The following GUCY1A1 variants were observed in gnomAD, a reference collection of about 807,000 sequenced individuals.
GUCY1A1 encodes the protein guanylate cyclase 1 soluble subunit alpha 1, also known as guanylate cyclase soluble subunit alpha-1.
Under a neutral mutation model 64.5 loss-of-function variants are expected in GUCY1A1, and 48 were observed. The ratio of observed to expected loss-of-function variants is 0.74; its 90% CI spans 0.59 to 0.95. The LOEUF is 0.95. Among genes scored for constraint, GUCY1A1 ranks in the 40% least tolerant of loss-of-function variants. The pLI is 0.00. For missense variants in GUCY1A1, 804 were observed against 825.3 expected (o/e 0.97, Z 0.32); for synonymous variants, 308 against 303.4 (o/e 1.02, Z -0.16).
intron 7 of GUCY1A1, among the ~76,000 whole-genome samples, chr4:155,715,619 G>A (rs963779583): frequency 9.9e-5 from 15 of 152,274 alleles, no homozygotes; most frequent in Middle Eastern, 3.4e-3. Context: ...AGCAGATATG[G>A]TAGGCCCCTA....
chr4:155,710,793 A>C lies in GUCY1A1; in HGVS notation c.628A>C (p.Thr210Pro). Residue 210 changes from threonine (T) to proline (P), a missense_variant, in exon 6 of 10, where the codon ACC becomes CCC. Transcript: ENST00000506455. ...LHVYYFFPKR[T>P]TSLILPGIIK... is the part of the protein sequence containing the mutation. ...TGTTTACTACTTCTTCCCTAAGAGAACCACCTCCCTGATTCTTCCCGGCAT... is the reference window on the plus strand; with the variant it reads ...TGTTTACTACTTCTTCCCTAAGAGACCCACCTCCCTGATTCTTCCCGGCAT... 1 of 1,614,054 alleles carries C rather than the reference A, an allele frequency of 6.2e-7. No homozygotes were observed. The highest frequency in any genetic ancestry group is 1.1e-5 in the South Asian group (1 of 91,072).
At position 155,710,755 on chromosome 4, in the gene GUCY1A1, A is replaced by ATCC. The variant is rs1233718907; in HGVS notation, c.591_592insCCT (p.Asp197_Asp198insPro). 1 of 1,614,028 alleles carries ATCC rather than the reference A, an allele frequency of 6.2e-7. No homozygotes were observed. The highest frequency in any genetic ancestry group is 8.5e-7 in the Non-Finnish European group (1 of 1,179,936). ...TCCATTCTATGCCTGGATAAGGAGG[A>ATCC]TGATTTTCTACATGTTTACTACTTC... On this transcript the variant is annotated inframe_insertion, in exon 6 of 10. Transcript: ENST00000506455.
At chr4:155,671,316 C>A (rs1734116071) in intron 2 of GUCY1A1, among the ~76,000 whole-genome samples, 1 of 152,170 alleles carries the variant, frequency 6.6e-6, no homozygotes, top group African/African-American at 2.4e-5. Context: ...CTACCAGAAC[C>A]TGCCTTCCCA....
chr4:155,716,991 G>A (rs1001221176), intron 7 of GUCY1A1, among the ~76,000 whole-genome samples, 168 bp from the exon 8 acceptor site: 5 of 152,050 alleles, frequency 3.3e-5, no homozygotes, highest in Admixed American at 1.3e-4. Context: ...TAAACCTTGC[G>A]CATTTCCTGA....
rs770142136 is a variant in GUCY1A1 at position 155,708,242 on chromosome 4, T to G, written c.324T>G (p.Ser108=). The change falls in exon 5 of 10, where the codon TCT becomes TCG. Residue 108 remains serine, a synonymous_variant. Transcript: ENST00000506455. ...AATATTGAAATATTTCCAGGAAATC[T>G]TTGGAAAGAGAAGACTTTGAAAAAA... ...AKHKIKESRK[S]LEREDFEKTI... 1 of 1,471,944 alleles carries G rather than the reference T, an allele frequency of 6.8e-7. No individual in the cohort carries two copies. Among genetic ancestry groups the G allele is most frequent in the Non-Finnish European group, 9.5e-7 (1 of 1,052,128 alleles). 91.2% of individuals were successfully genotyped at this position (1,471,944 alleles called of 1,614,324 possible).
chr4:155,727,846 G>A (rs1349957418), intron 9 of GUCY1A1, among the ~76,000 whole-genome samples: 1 of 151,676 alleles, frequency 6.6e-6, no homozygotes, highest in African/African-American at 2.4e-5. Flanking sequence ...CCTGTTACAC[G>A]CTCTGACACA....
At chr4:155,683,185 G>A (rs553923723) in intron 2 of GUCY1A1, among the ~76,000 whole-genome samples, 63 of 152,146 alleles carry the variant, frequency 4.1e-4, no homozygotes, top group African/African-American at 1.2e-3. Context: ...TAAACTCTAT[G>A]TATAGTGAGA....
intron 3 of GUCY1A1, among the ~76,000 whole-genome samples, chr4:155,697,389 C>T (rs933629696): frequency 9.9e-5 from 15 of 152,122 alleles, no homozygotes; most frequent in African/African-American, 3.6e-4. Context: ...GGCTTAATGC[C>T]TCTTTACCTC....
chr4:155,710,958 T>C lies in GUCY1A1; in HGVS notation c.793T>C (p.Ser265Pro), dbSNP rs1280621940. 1.9e-6 allele frequency: 3 copies of C among 1,613,330 alleles called. No homozygotes were observed. Among genetic ancestry groups the C allele is most frequent in the Non-Finnish European group, 2.5e-6 (3 of 1,179,424 alleles). ...YSVHMKSTKP[S>P]LSPSKPQSSL... ...CGTTCACATGAAAAGCACCAAGCCA[T>C]CCCTGTCCCCCAGCAAACCCCAGTC... is the stretch of plus-strand genomic sequence containing the variant. The change falls in exon 6 of 10, where the codon TCC becomes CCC. Residue 265 changes from serine to proline, a missense_variant. Ser to Pro is a moderately conservative substitution (Grantham distance 74). Coordinates refer to ENST00000506455, the MANE Select transcript of GUCY1A1 (RefSeq NM_001130682.3).
Position 155,697,054 on chromosome 4 carries a change from A to G in GUCY1A1, c.187A>G (p.Lys63Glu), listed in dbSNP as rs1730509443. ...KNIQESLPQR[K>E]TSRSRVYLHT... ...CATACAAGAAAGTCTTCCTCAAAGA[A>G]AAACCAGTCGGAGCCGAGTCTATCT... is the stretch of plus-strand genomic sequence containing the variant. The change falls in exon 3 of 10, where the codon AAA becomes GAA. Residue 63 changes from lysine (K) to glutamate (E), a missense_variant. By Grantham distance (56) the Lys-to-Glu change is moderately conservative (BLOSUM62 1). Transcript: ENST00000506455. 1.2e-6 allele frequency: 2 copies of G among 1,613,616 alleles called. No individual in the cohort carries two copies. Among genetic ancestry groups the G allele is most frequent in the Non-Finnish European group, 1.7e-6 (2 of 1,179,542 alleles).
intron 2 of GUCY1A1, among the ~76,000 whole-genome samples, chr4:155,692,638 C>T (rs542717645): frequency 2.6e-5 from 4 of 152,284 alleles, no homozygotes; most frequent in South Asian, 4.1e-4. Context: ...TCATCTGCTC[C>T]TTAAGACCTG....
intron 3 of GUCY1A1, among the ~76,000 whole-genome samples, 173 bp downstream of exon 3, chr4:155,697,295 G>A (rs910056576): frequency 3.3e-5 from 5 of 152,130 alleles, no homozygotes; most frequent in Non-Finnish European, 7.4e-5. Flanking sequence ...TTCTTAAGTT[G>A]TGTTTTATCT....
chr4:155,677,375 T>C (rs1735100089), intron 2 of GUCY1A1, among the ~76,000 whole-genome samples: 1 of 152,230 alleles, frequency 6.6e-6, no homozygotes, highest in East Asian at 1.9e-4. Context: ...TTCCAAATGG[T>C]GACACACTTC....
rs16998966 is a variant in GUCY1A1 at position 155,710,690 on chromosome 4, T to C, written c.525T>C (p.His175=). ...SFSTLLKQSS[H]CQEAGKRGRL... ...GTACCCTTCTGAAACAGAGCAGCCA[T>C]TGCCAAGAAGCAGGAAAAAGGGGCA... Residue 175 remains histidine, a synonymous_variant, in exon 6 of 10, where the codon CAT becomes CAC. Transcript: ENST00000506455. The C allele has an allele frequency of 0.015, 24,915 of 1,613,912 alleles. 3,028 individuals are homozygous for C. The African/African-American group carries it at 0.28, about 18-fold the overall frequency.
intron 2 of GUCY1A1, among the ~76,000 whole-genome samples, chr4:155,686,294 G>A (rs1473996960): frequency 2.0e-5 from 3 of 152,028 alleles, no homozygotes; most frequent in Middle Eastern, 3.2e-3. Context: ...TGGGCAACAC[G>A]GTGAAACCTA....
In GUCY1A1 at chr4:155,734,167, G is replaced by T. The variant is rs773025404; in HGVS notation, c.*3936G>T. 1.1e-4 allele frequency among the ~76,000 whole-genome samples: 17 copies of T among 151,890 alleles called. No homozygotes were observed. Among genetic ancestry groups the T allele is most frequent in the Admixed American group, 3.9e-4 (6 of 15,234 alleles). On this transcript the variant is annotated 3_prime_UTR_variant, in exon 10 of 10. Coordinates refer to ENST00000506455, the MANE Select transcript of GUCY1A1 (RefSeq NM_001130682.3). ...GGATGGAAGAGGGTGGTCTGTGGTA[G>T]GCCTAGCAAATGAAAGAGATGAATA...
intron 9 of GUCY1A1, among the ~76,000 whole-genome samples, chr4:155,724,766 T>A (rs571813151): frequency 1.3e-5 from 2 of 152,034 alleles, no homozygotes; most frequent in African/African-American, 2.4e-5. Flanking sequence ...AACTATTTTT[T>A]AAAAAAAATC....
At position 155,710,592 on chromosome 4, in the gene GUCY1A1, A is replaced by T; in HGVS notation, c.427A>T (p.Ile143Leu). ...KESLGEEVFK[I>L]CYEEDENILG... ...ATCTCTTGGTGAAGAGGTTTTTAAA[A>T]TATGTTACGAGGAAGATGAAAACAT... Residue 143 changes from isoleucine (I) to leucine (L), a missense_variant, in exon 6 of 10, where the codon ATA becomes TTA. Ile to Leu is a conservative substitution (Grantham distance 5, BLOSUM62 2). Coordinates refer to ENST00000506455, the MANE Select transcript of GUCY1A1 (RefSeq NM_001130682.3). 1 of 1,611,902 alleles carries T rather than the reference A, an allele frequency of 6.2e-7. No individual in the cohort carries two copies. The highest frequency in any genetic ancestry group is 1.1e-5 in the South Asian group (1 of 90,518).
intron 2 of GUCY1A1, among the ~76,000 whole-genome samples, chr4:155,679,379 T>C (rs531113666): frequency 4.8e-4 from 73 of 152,366 alleles, no homozygotes; most frequent in African/African-American, 1.7e-3. Flanking sequence ...TTTGGCTCAA[T>C]GTTCTGCAGG....
Sources: allele counts gnomAD v4.1 joint callset (sites outside exome capture counted in the v4.1 genomes callset), GRCh38; gene constraint gnomAD v4.1.1; transcripts MANE v1.5; gene names NCBI Gene and HGNC (gene_info 2026-07-23, HGNC 2026-07-21).